Variants in GALNTL6 observed in about 807,000 individuals in gnomAD.
GALNTL6 encodes polypeptide N-acetylgalactosaminyltransferase like 6.
A neutral mutation model predicts 73.7 loss-of-function variants in GALNTL6; 46 were observed. The observed-to-expected ratio is 0.62, with a 90% CI of 0.49 to 0.80. GALNTL6 has a LOEUF of 0.80. GALNTL6 is among the 30% of genes least tolerant of loss of function. The pLI is 0.00. For missense variants in GALNTL6, 604 were observed against 755.0 expected, an observed-to-expected ratio of 0.80 and a Z score of 2.34; for synonymous variants, 259 against 263.7, an observed-to-expected ratio of 0.98 and a Z score of 0.17.
At chr4:172,880,438 T>C (rs1245512188) in intron 7 of GALNTL6, among the ~76,000 whole-genome samples, 1 of 152,082 alleles carries the variant, frequency 6.6e-6, no homozygotes, top group Non-Finnish European at 1.5e-5. Context: ...TCTATGTATA[T>C]ATAGTTGTAG....
chr4:172,430,062 AAT>A (rs917294492), intron 5 of GALNTL6, among the ~76,000 whole-genome samples: 2 of 151,840 alleles, frequency 1.3e-5, no homozygotes, highest in Non-Finnish European at 2.9e-5. Flanking sequence ...TCTTGAGCAA[AAT>A]ATATATGTGT....
chr4:172,777,454 C>T (rs146564437), intron 5 of GALNTL6, among the ~76,000 whole-genome samples: 22 of 152,242 alleles, frequency 1.4e-4, no homozygotes, highest in African/African-American at 5.1e-4. Flanking sequence ...ATCTCAATTT[C>T]TTAAAATGTA....
At chr4:172,118,768 A>G (rs1339340368) in intron 2 of GALNTL6, among the ~76,000 whole-genome samples, 3 of 151,992 alleles carry the variant, frequency 2.0e-5, no homozygotes, top group Non-Finnish European at 4.4e-5. Context: ...AAAGAAAAAA[A>G]AGAAAGGTGG....
chr4:172,900,231 A>G (rs1211531721), intron 8 of GALNTL6, among the ~76,000 whole-genome samples: 1 of 152,194 alleles, frequency 6.6e-6, no homozygotes, highest in Non-Finnish European at 1.5e-5. Flanking sequence ...TTCTCATTTC[A>G]TTTTATAGAT....
At chr4:172,649,967 G>A (rs534241028) in intron 5 of GALNTL6, among the ~76,000 whole-genome samples, 2 of 152,192 alleles carry the variant, frequency 1.3e-5, no homozygotes, top group South Asian at 2.1e-4. Context: ...GGAGGTCACA[G>A]CATTTCTAGA....
chr4:172,575,248 G>A (rs1030768247), intron 5 of GALNTL6, among the ~76,000 whole-genome samples: 3 of 152,066 alleles, frequency 2.0e-5, no homozygotes, highest in African/African-American at 7.2e-5. Context: ...TTATTTTCCA[G>A]TCTTTATTTT....
chr4:172,183,479 C>A (rs1735320156), intron 2 of GALNTL6, among the ~76,000 whole-genome samples: 2 of 152,148 alleles, frequency 1.3e-5, no homozygotes, highest in Non-Finnish European at 2.9e-5. Context: ...TAGCAAGAGT[C>A]CACATGAAAG....
At chr4:172,996,513 C>A (rs1274407757) in intron 10 of GALNTL6, among the ~76,000 whole-genome samples, 1 of 152,074 alleles carries the variant, frequency 6.6e-6, no homozygotes, top group African/African-American at 2.4e-5. Flanking sequence ...ATATGACAAA[C>A]CTGCACATGG....
intron 11 of GALNTL6, among the ~76,000 whole-genome samples, chr4:173,011,980 T>A (rs934872504): frequency 2.0e-5 from 3 of 152,206 alleles, no homozygotes; most frequent in Non-Finnish European, 4.4e-5. Context: ...CAAAGCTCAC[T>A]GCAGCCTCAA....
intron 2 of GALNTL6, among the ~76,000 whole-genome samples, chr4:172,013,365 G>A (rs1035732227): frequency 1.3e-5 from 2 of 151,918 alleles, no homozygotes; most frequent in Non-Finnish European, 2.9e-5. Flanking sequence ...CTACTTTTAT[G>A]AGATCAACTT....
In GALNTL6 at chr4:172,342,368, C is replaced by A. The variant is rs955430498; in HGVS notation, c.387-6155C>A. On this transcript the variant is annotated intron_variant, in intron 4 of 12. Transcript: ENST00000506823. ...AAGAATGCTGGATTCTTATTCGTTG[C>A]TCGTGTTACCTCCTGTGTAGGCTAT... Among the ~76,000 whole-genome samples the A allele has an allele frequency of 4.6e-5, 7 of 152,212 alleles. No homozygotes were observed. The East Asian group carries it at 5.8e-4, about 13-fold the overall frequency.
At chr4:172,177,800 C>CACACACATATATGTGTGTGTATATATAT (rs1560955546) in intron 2 of GALNTL6, among the ~76,000 whole-genome samples, 12 of 128,888 alleles carry the variant, frequency 9.3e-5, no homozygotes, top group South Asian at 2.2e-4. Flanking sequence ...TATATATATA[C>CACACACATATATGTGTGTGTATATATAT]ACACACATAT....
intron 4 of GALNTL6, among the ~76,000 whole-genome samples, chr4:172,334,339 A>T (rs1042979808): frequency 1.3e-5 from 2 of 152,124 alleles, no homozygotes; most frequent in African/African-American, 4.8e-5. Context: ...ATTGCTTTGG[A>T]CAATATGGTC....
At chr4:172,777,365 A>T (rs1739130564) in intron 5 of GALNTL6, among the ~76,000 whole-genome samples, 2 of 152,216 alleles carry the variant, frequency 1.3e-5, no homozygotes, top group East Asian at 3.8e-4. Context: ...CAAATTATTT[A>T]TACATTCTTA....
intron 5 of GALNTL6, among the ~76,000 whole-genome samples, chr4:172,357,438 A>G (rs1226001737): frequency 6.6e-6 from 1 of 152,090 alleles, no homozygotes; most frequent in African/African-American, 2.4e-5. Flanking sequence ...TCCAGAAGAT[A>G]AGGGTCATTC....
intron 5 of GALNTL6, among the ~76,000 whole-genome samples, chr4:172,540,560 G>C (rs1735516312): frequency 6.6e-6 from 1 of 152,156 alleles, no homozygotes; most frequent in Admixed American, 6.5e-5. Context: ...TTGACTAAGT[G>C]GCCCCGAGGT....
intron 5 of GALNTL6, among the ~76,000 whole-genome samples, chr4:172,503,488 A>G (rs1427770202): frequency 1.4e-5 from 2 of 141,920 alleles, no homozygotes; most frequent in East Asian, 4.1e-4. Flanking sequence ...ATGAGTGCTT[A>G]AACTATATAT....
intron 5 of GALNTL6, among the ~76,000 whole-genome samples, chr4:172,570,690 G>A (rs903977918): frequency 2.6e-5 from 4 of 152,056 alleles, no homozygotes; most frequent in African/African-American, 7.2e-5. Flanking sequence ...GGGGTGGTGC[G>A]GGGATGGTTT....
chr4:172,812,815 G>T (rs962791036), intron 6 of GALNTL6, among the ~76,000 whole-genome samples: 1 of 152,168 alleles, frequency 6.6e-6, no homozygotes, highest in African/African-American at 2.4e-5. Context: ...ACCCTACAGG[G>T]TTGCTAAGAG....
Sources: allele counts gnomAD v4.1 joint callset (sites outside exome capture counted in the v4.1 genomes callset), GRCh38; gene constraint gnomAD v4.1.1; transcripts MANE v1.5; gene names NCBI Gene and HGNC (gene_info 2026-07-23, HGNC 2026-07-21).